CYRIB: variants seen among roughly 807,000 people sequenced by gnomAD.
CYRIB encodes CYFIP related Rac1 interactor B, also known as CYFIP-related Rac1 interactor B.
A neutral mutation model predicts 44.2 loss-of-function variants in CYRIB; 8 were observed. The ratio of observed to expected loss-of-function variants is 0.18; its 90% confidence interval spans 0.11 to 0.33. The LOEUF (loss-of-function observed/expected upper bound fraction) is 0.33, where lower values mean the gene tolerates loss of function less well. Ranked by LOEUF, CYRIB falls within the 10% of genes least tolerant of loss-of-function variation. The pLI, the probability that CYRIB is intolerant of heterozygous loss-of-function variation, is 1.00. For missense variants in CYRIB, 185 were observed against 382.8 expected (o/e 0.48, Z 4.31); for synonymous variants, 131 against 127.2 (o/e 1.03, Z -0.20).
At chr8:129,989,910 T>G (rs941461296) in intron 1 of CYRIB, among the ~76,000 whole-genome samples, 2 of 151,320 alleles carry the variant, frequency 1.3e-5, no homozygotes, top group African/African-American at 4.9e-5. Flanking sequence ...TTTCTTGTCC[T>G]TGCGATAGTT....
At chr8:130,001,521 A>ATTT (rs2096906573) in intron 1 of CYRIB, among the ~76,000 whole-genome samples, 3 of 138,864 alleles carry the variant, frequency 2.2e-5, no homozygotes, top group Non-Finnish European at 3.2e-5. Context: ...CCTGAAAATA[A>ATTT]TTTCTTTTTT....
chr8:129,845,185 C>T (rs1006687344), intron 11 of CYRIB, among the ~76,000 whole-genome samples: 2 of 152,146 alleles, frequency 1.3e-5, no homozygotes, highest in Non-Finnish European at 2.9e-5. Flanking sequence ...TAAAGTGAAA[C>T]GTAGATTCTG....
intron 2 of CYRIB, among the ~76,000 whole-genome samples, chr8:129,892,321 G>A (rs781622628): frequency 2.6e-5 from 4 of 152,204 alleles, no homozygotes; most frequent in South Asian, 4.2e-4. Context: ...TTGAAAATAC[G>A]TTATCATTAG....
In CYRIB at chr8:129,850,870, T is replaced by G. The variant is rs375550669; in HGVS notation, c.678A>C (p.Thr226=). ...GCATGACTCTGCATACACTAGCCAT[T>G]GTGCTTAAACAATCTGTGGTATTTT... Residue 226 remains threonine, a synonymous_variant, in exon 9 of 12, where the codon ACA becomes ACC. Coordinates refer to ENST00000519824, the Ensembl canonical transcript of CYRIB. 123 of 1,613,068 alleles carry G rather than the reference T, an allele frequency of 7.6e-5. 1 individual carries two copies. Among genetic ancestry groups the G allele is most frequent in the Non-Finnish European group, 1.0e-4 (118 of 1,179,574 alleles).
intron 10 of CYRIB, chr8:129,847,440 GGTGACAGAGCGAGACTCC>G (rs1237767392): frequency 1.3e-5 from 2 of 152,132 alleles, no homozygotes; most frequent in Admixed American, 6.6e-5. Flanking sequence ...CTCCAGCCTG[GGTGACAGAGCGAGACTCC>G]GTCACAAAAA....
chr8:129,911,432 G>C (rs1197499391), intron 1 of CYRIB, among the ~76,000 whole-genome samples: 2 of 152,142 alleles, frequency 1.3e-5, no homozygotes, highest in Non-Finnish European at 2.9e-5. Flanking sequence ...CCTTTCTGTA[G>C]ATGTGATTTC....
At chr8:129,962,308 T>G (rs761239152) in intron 2 of CYRIB, among the ~76,000 whole-genome samples, 1 of 150,384 alleles carries the variant, frequency 6.6e-6, no homozygotes, top group African/African-American at 2.4e-5. Context: ...ATTAGCTAGG[T>G]GTGATGTGTG....
intron 1 of CYRIB, among the ~76,000 whole-genome samples, chr8:129,997,803 C>T (rs1302569917): frequency 6.6e-6 from 1 of 152,070 alleles, no homozygotes; most frequent in Non-Finnish European, 1.5e-5. Flanking sequence ...AGAAACTCTG[C>T]TCAAATTACA....
intron 1 of CYRIB, among the ~76,000 whole-genome samples, chr8:129,933,539 C>T (rs1209777814): frequency 2.6e-5 from 4 of 152,020 alleles, no homozygotes; most frequent in Non-Finnish European, 4.4e-5. Flanking sequence ...TGTTTTGGAC[C>T]AATTCAATGT....
At chr8:129,888,222 C>T (rs2063566457) in intron 2 of CYRIB, among the ~76,000 whole-genome samples, 1 of 152,082 alleles carries the variant, frequency 6.6e-6, no homozygotes, top group Non-Finnish European at 1.5e-5. Context: ...GGGCACTTCC[C>T]CATCTCTCTT....
At chr8:130,001,249 G>A (rs544856609) in intron 1 of CYRIB, among the ~76,000 whole-genome samples, 2 of 152,216 alleles carry the variant, frequency 1.3e-5, no homozygotes, top group African/African-American at 4.8e-5. Flanking sequence ...ACAGGAAGAG[G>A]GTTCTGAAAA....
intron 4 of CYRIB, among the ~76,000 whole-genome samples, chr8:129,867,180 A>G (rs1430546655): frequency 2.6e-5 from 4 of 151,892 alleles, no homozygotes; most frequent in East Asian, 1.9e-4. Context: ...CTGGAGTGCA[A>G]TGGTGCAATC....
At chr8:129,964,930 C>T (rs1486223814) in intron 2 of CYRIB, among the ~76,000 whole-genome samples, 1 of 152,222 alleles carries the variant, frequency 6.6e-6, no homozygotes, top group African/African-American at 2.4e-5. Context: ...TACTGGGCAG[C>T]TCTGTAGTCC....
chr8:130,008,365 C>G (rs2097151716), intron 1 of CYRIB: 1 of 154,256 alleles, frequency 6.5e-6, no homozygotes, highest in South Asian at 2.0e-4. Flanking sequence ...CCCTGCCATC[C>G]CATTCCAAAC....
In CYRIB at chr8:129,850,928, T is replaced by C. The variant is rs1268214009; in HGVS notation, c.634-14A>G. On this transcript the variant is annotated splice_polypyrimidine_tract_variant and intron_variant, in intron 8 of 11. Coordinates refer to ENST00000519824, the Ensembl canonical transcript of CYRIB. ...TAAATTTTTATTCTGTAGAAGTATA[T>C]GAAGAACAAAAAAAGTAAAAGTAAC... The C allele has an allele frequency of 2.0e-6, 3 of 1,519,292 alleles. No individual in the cohort carries two copies. Among genetic ancestry groups the C allele is most frequent in the Non-Finnish European group, 2.7e-6 (3 of 1,100,038 alleles). The allele number at this position is 1,519,292 out of a possible 1,614,324, so 94.1% of individuals were successfully genotyped here. A position where few individuals can be genotyped will look rare whatever the true frequency, so the allele number is the denominator to read the frequency against.
intron 2 of CYRIB, among the ~76,000 whole-genome samples, chr8:129,894,969 T>C (rs2067218195): frequency 6.6e-6 from 1 of 150,782 alleles, no homozygotes; most frequent in Non-Finnish European, 1.5e-5. Context: ...AGGGTCTTGC[T>C]CTTTTTCGCC....
chr8:129,842,433 A>T (rs1464646084), intron 11 of CYRIB, among the ~76,000 whole-genome samples: 1 of 152,184 alleles, frequency 6.6e-6, no homozygotes, highest in Admixed American at 6.5e-5. Context: ...AGTTACAACT[A>T]CACTGCTGAA....
chr8:129,943,911 TAAAA>T (rs545370945), upstream of CYRIB, among the ~76,000 whole-genome samples: 297 of 108,024 alleles, frequency 2.7e-3, 1 homozygote, highest in African/African-American at 0.01. Context: ...GACTCCATCT[TAAAA>T]AAAAAAAAAA....
chr8:129,942,136 C>T (rs185324761), upstream of CYRIB, among the ~76,000 whole-genome samples: 69 of 152,116 alleles, frequency 4.5e-4, no homozygotes, highest in South Asian at 9.8e-3. Flanking sequence ...GTTAGGAGTT[C>T]GAGACCAGCC....
Sources: gnomAD v4.1 joint callset for allele counts (sites outside exome capture counted in the v4.1 genomes callset) on GRCh38, gnomAD v4.1.1 for gene constraint, MANE v1.5 for transcripts, NCBI Gene and HGNC (gene_info 2026-07-23, HGNC 2026-07-21) for gene names.